DAB2IP: variants seen among roughly 807,000 people sequenced by gnomAD.
The protein encoded by DAB2IP is DAB2 interacting protein.
In DAB2IP, 28 loss-of-function variants were observed where a neutral mutation model predicts 107.2. The ratio of observed to expected loss-of-function variants is 0.26; its 90% confidence interval spans 0.19 to 0.36. The LOEUF (loss-of-function observed/expected upper bound fraction) is 0.36. Ranked by LOEUF, DAB2IP falls within the 10% of genes least tolerant of loss-of-function variation. The pLI is 1.00. For synonymous variants in DAB2IP, 755 were observed against 706.4 expected, an observed-to-expected ratio of 1.07 and a Z score of -1.09; for missense variants, 1,400 against 1,644.7, an observed-to-expected ratio of 0.85 and a Z score of 2.57.
intron 3 of DAB2IP, among the ~76,000 whole-genome samples, chr9:121,725,773 C>T (rs374272552): frequency 6.6e-6 from 1 of 151,930 alleles, no homozygotes; most frequent in African/African-American, 2.4e-5. Context: ...TCACTGGGCA[C>T]GGGGCGGCTA....
rs3138857 is a variant in DAB2IP at position 121,679,413 on chromosome 9, TACACACACAC to T, written c.228+663_228+672del. ...TCATACCCTTCTGCATTTGTGCATGTACACACACACACACACACACACACACACACACACA... is the reference window on the plus strand; with the variant it reads ...TCATACCCTTCTGCATTTGTGCATGTACACACACACACACACACACACACA... On this transcript the variant is annotated intron_variant, in intron 2 of 15. Transcript: ENST00000408936. Among the ~76,000 whole-genome samples, 482 of 135,630 alleles carry T rather than the reference TACACACACAC, an allele frequency of 3.6e-3. 3 individuals carry two copies. Among genetic ancestry groups the T allele is most frequent in the African/African-American group, 0.013 (448 of 33,700 alleles). The allele number at this position is 135,630 out of a possible 152,430, so 89.0% of individuals were successfully genotyped here. A position where few individuals can be genotyped will look rare whatever the true frequency, so the allele number is the denominator to read the frequency against.
In DAB2IP at chr9:121,651,949, G is replaced by A. The variant is rs1324496577; in HGVS notation, c.124+50G>A. The A allele has an allele frequency of 8.9e-6, 11 of 1,241,568 alleles. No homozygotes were observed. Among genetic ancestry groups the A allele is most frequent in the African/African-American group, 1.6e-5 (1 of 64,354 alleles). 76.9% of individuals were successfully genotyped at this position (1,241,568 alleles called of 1,614,324 possible). On this transcript the variant is annotated intron_variant, in intron 1 of 15. Transcript: ENST00000408936. The surrounding 1 kb of genome is among the most constrained non-coding windows in gnomAD (Gnocchi z 5.1). ...CCCTAGACCCTCCTAAGGCCACTAA[G>A]CCACCTGATGCCCTGGGATGCTAGG...
chr9:121,777,894 T>G (rs1835316915), intron 14 of DAB2IP, among the ~76,000 whole-genome samples: 1 of 152,256 alleles, frequency 6.6e-6, no homozygotes, highest in Admixed American at 6.5e-5. Flanking sequence ...CCTTGAAATA[T>G]TCTTTGCTCT....
intron 8 of DAB2IP, among the ~76,000 whole-genome samples, chr9:121,765,231 T>G (rs1172542750): frequency 6.6e-6 from 1 of 152,184 alleles, no homozygotes; most frequent in East Asian, 1.9e-4. Context: ...GGGCTGGGCA[T>G]GTGACTCAGG....
exon 16 of DAB2IP, chr9:121,783,149 T>G: frequency 9.4e-7 from 1 of 1,062,318 alleles, no homozygotes; most frequent in African/African-American, 1.6e-5. Flanking sequence ...TCTGAACCTG[T>G]CCCCAGAGCA....
Position 121,772,733 on chromosome 9 carries a change from T to G in DAB2IP, c.2205T>G (p.Pro735=). ...CGAGTTACTCGGAAGCCAACGAGCC[T>G]GATCTTCAGATGGCCAACGGTGGCA... is the stretch of plus-strand genomic sequence containing the variant. The change falls in exon 12 of 16, where the codon CCT becomes CCG. Residue 735 remains proline, a synonymous_variant. Coordinates refer to ENST00000408936, the Ensembl canonical transcript of DAB2IP. The surrounding 1 kb of genome is among the most constrained non-coding windows in gnomAD (Gnocchi z 4.7). The G allele has an allele frequency of 6.2e-7, 1 of 1,614,002 alleles. No homozygotes were observed. Among genetic ancestry groups the G allele is most frequent in the East Asian group, 2.2e-5 (1 of 44,890 alleles).
intron 3 of DAB2IP, among the ~76,000 whole-genome samples, chr9:121,725,764 C>T (rs1831210421): frequency 6.6e-6 from 1 of 152,132 alleles, no homozygotes; most frequent in African/African-American, 2.4e-5. Context: ...AGTTGGGTAT[C>T]ACTGGGCACG....
rs373667221 is a variant in DAB2IP, at chr9:121,595,019, C to T, written c.40+27791C>T. Among the ~76,000 whole-genome samples, 540 of 152,050 alleles carry T rather than the reference C, an allele frequency of 3.6e-3. 2 individuals carry two copies. The highest frequency in any genetic ancestry group is 6.8e-3 in the Middle Eastern group (2 of 294). ...ACCTGGTTGTATGGTGGTGCTTGGG[C>T]GGGGGCAGTCTCAGCTGACTGGGAC... On this transcript the variant is annotated intron_variant, in intron 1 of 16. Transcript: ENST00000259371.
At chr9:121,595,215 C>T (rs562979243) in intron 1 of DAB2IP, among the ~76,000 whole-genome samples, 3 of 151,770 alleles carry the variant, frequency 2.0e-5, no homozygotes, top group Non-Finnish European at 2.9e-5. Context: ...TTTTATGTGG[C>T]CTCCCACCAT....
In DAB2IP at chr9:121,760,514, A is replaced by C; in HGVS notation, c.1170+75A>C. Reference sequence around the variant, plus strand: ...GTTACCTGCCCTTCCTCACATCCGTACATTTCAGGCCTAACAGAGGCCTTG... The same window carrying C: ...GTTACCTGCCCTTCCTCACATCCGTCCATTTCAGGCCTAACAGAGGCCTTG... On this transcript the variant is annotated intron_variant, in intron 6 of 15. Transcript: ENST00000408936. The surrounding 1 kb of genome is among the most constrained non-coding windows in gnomAD (Gnocchi z 5.9). 6.8e-7 allele frequency: 1 copy of C among 1,464,990 alleles called. No homozygotes were observed. Among genetic ancestry groups the C allele is most frequent in the Middle Eastern group, 1.9e-4 (1 of 5,238 alleles). 90.7% of individuals were successfully genotyped at this position (1,464,990 alleles called of 1,614,324 possible). A position where few individuals can be genotyped will look rare whatever the true frequency, so the allele number is the denominator to read the frequency against.
Position 121,570,968 on chromosome 9 carries a change from C to T in DAB2IP, c.40+3740C>T, listed in dbSNP as rs747844037. Among the ~76,000 whole-genome samples, 8 of 152,058 alleles carry T rather than the reference C, an allele frequency of 5.3e-5. No homozygotes were observed. The South Asian group carries it at 6.2e-4, about 12-fold the overall frequency. Reference sequence around the variant, plus strand: ...CCTTCGCCAGTGCCTGCCTCCTCTGCTCCTTCATGATTGAACTCTTCCTCC... The same window carrying T: ...CCTTCGCCAGTGCCTGCCTCCTCTGTTCCTTCATGATTGAACTCTTCCTCC... On this transcript the variant is annotated intron_variant, in intron 1 of 16. Coordinates refer to the DAB2IP transcript ENST00000259371.
chr9:121,613,583 C>T (rs1831165703), intron 1 of DAB2IP, among the ~76,000 whole-genome samples: 1 of 152,126 alleles, frequency 6.6e-6, no homozygotes, highest in South Asian at 2.1e-4. Flanking sequence ...TAGATCAGCT[C>T]CACTGGCCCC....
intron 1 of DAB2IP, among the ~76,000 whole-genome samples, chr9:121,583,648 G>T (rs1236963782): frequency 6.6e-6 from 1 of 152,222 alleles, no homozygotes; most frequent in South Asian, 2.1e-4. Flanking sequence ...GCAGCTGTTG[G>T]GGGGGATGGG....
chr9:121,713,113 A>G lies in DAB2IP; in HGVS notation c.362+13655A>G, dbSNP rs566934947. Among the ~76,000 whole-genome samples the G allele has an allele frequency of 5.3e-5, 8 of 152,334 alleles. No homozygotes were observed. In the South Asian group the frequency reaches 1.5e-3, roughly 28 times the overall value. ...CACATGGCCCTCACACCAGCTAGGAAGGTGGCAGGGCAGGGATTATTCCAT... is the reference window on the plus strand; with the variant it reads ...CACATGGCCCTCACACCAGCTAGGAGGGTGGCAGGGCAGGGATTATTCCAT... On this transcript the variant is annotated intron_variant, in intron 3 of 15. Coordinates refer to ENST00000408936, the Ensembl canonical transcript of DAB2IP.
At chr9:121,751,807 G>A in intron 3 of DAB2IP, 7 of 424,496 alleles carry the variant, frequency 1.6e-5, no homozygotes, top group Non-Finnish European at 1.9e-5. Context: ...ACAGGAGAAG[G>A]CCAGTGGAAC....
intron 1 of DAB2IP, among the ~76,000 whole-genome samples, chr9:121,666,362 A>G (rs1197200713): frequency 1.3e-5 from 2 of 152,256 alleles, no homozygotes; most frequent in African/African-American, 4.8e-5. Context: ...TCTAGGGATT[A>G]GGACGCATGG....
At chr9:121,605,872 G>T (rs2118963587) in intron 1 of DAB2IP, among the ~76,000 whole-genome samples, 1 of 152,292 alleles carries the variant, frequency 6.6e-6, no homozygotes, top group East Asian at 1.9e-4. Flanking sequence ...TATTGGGATT[G>T]TGTCGGGGGC....
rs1291519527 is a variant in DAB2IP at position 121,767,937 on chromosome 9, T to G, written c.1698-495T>G. Among the ~76,000 whole-genome samples the G allele has an allele frequency of 2.0e-5, 3 of 152,046 alleles. No homozygotes were observed. The East Asian group carries it at 5.8e-4, about 30-fold the overall frequency. On this transcript the variant is annotated intron_variant, in intron 9 of 15. Coordinates refer to ENST00000408936, the Ensembl canonical transcript of DAB2IP. Reference sequence around the variant, plus strand: ...CAGCTGCCAGAGATTCTGTCTCAGGTGTATCTGTATGGGTAGTGGGGTCTC... The same window carrying G: ...CAGCTGCCAGAGATTCTGTCTCAGGGGTATCTGTATGGGTAGTGGGGTCTC...
At position 121,737,472 on chromosome 9, in the gene DAB2IP, C is replaced by T. The variant is rs955937517; in HGVS notation, c.363-19541C>T. On this transcript the variant is annotated intron_variant, in intron 3 of 15. Coordinates refer to ENST00000408936, the Ensembl canonical transcript of DAB2IP. ...CCTCCTAGGCTCACCTCTTAGATGC[C>T]GGCCCGGCCGAGAGGCCCCCTAATC... The T allele has an allele frequency of 1.1e-4, 105 of 985,330 alleles. No homozygotes were observed. The South Asian group carries it at 4.0e-3, about 37-fold the overall frequency. The allele number at this position is 985,330 out of a possible 1,614,324, so 61.0% of individuals were successfully genotyped here.
Sources: allele counts gnomAD v4.1 joint callset (sites outside exome capture counted in the v4.1 genomes callset), GRCh38; gene constraint gnomAD v4.1.1; non-coding constraint Gnocchi (gnomAD v3.1); transcripts MANE v1.5; gene names NCBI Gene and HGNC (gene_info 2026-07-23, HGNC 2026-07-21).